PRDM1: variants seen among roughly 807,000 people sequenced by gnomAD.
PRDM1 encodes PR domain zinc finger protein 1.
Under a neutral mutation model 62.8 loss-of-function variants are expected in PRDM1, and 13 were observed. The observed-to-expected ratio is 0.21, with a 90% confidence interval of 0.13 to 0.33. The LOEUF is 0.33. Ranked by LOEUF, PRDM1 falls within the 10% of genes least tolerant of loss-of-function variation. The pLI, the probability that PRDM1 is intolerant of heterozygous loss-of-function variation, is 1.00. For synonymous variants in PRDM1, 396 were observed against 417.6 expected, an observed-to-expected ratio of 0.95 and a Z score of 0.63; for missense variants, 895 against 1,058.8, an observed-to-expected ratio of 0.85 and a Z score of 2.15.
At chr6:106,000,577 T>C (rs1046202561) in intron 1 of PRDM1, among the ~76,000 whole-genome samples, 39 of 152,220 alleles carry the variant, frequency 2.6e-4, no homozygotes, top group African/African-American at 9.4e-4. Flanking sequence ...CATGTATGTT[T>C]TCCATGTATG....
chr6:106,026,308 G>A lies in PRDM1; in HGVS notation c.-67+32669G>A, dbSNP rs773547895. Among the ~76,000 whole-genome samples the A allele has an allele frequency of 2.6e-5, 4 of 151,896 alleles. No homozygotes were observed. In the East Asian group the frequency reaches 5.8e-4, roughly 22 times the overall value. On this transcript the variant is annotated intron_variant, in intron 1 of 6. Transcript: ENST00000652320. The stretch of plus-strand genomic sequence containing the variant: ...AGCCTGATCAACATGGAGAAACCCC[G>A]TCTCTACTAAAAAATACAAAATTAG...
intron 1 of PRDM1, among the ~76,000 whole-genome samples, chr6:106,040,024 A>G (rs1772970977): frequency 6.6e-6 from 1 of 152,112 alleles, no homozygotes; most frequent in African/African-American, 2.4e-5. Context: ...AAACCCTCTT[A>G]CTTTCCCTGA....
chr6:106,098,902 C>A, intron 3 of PRDM1: 2 of 1,509,586 alleles, frequency 1.3e-6, no homozygotes, highest in Admixed American at 2.1e-5. Flanking sequence ...TACCCAGTGA[C>A]TCAAAGCACT....
chr6:106,003,126 G>C (rs1025420896), intron 1 of PRDM1, among the ~76,000 whole-genome samples: 10 of 152,052 alleles, frequency 6.6e-5, no homozygotes, highest in Non-Finnish European at 1.2e-4. Flanking sequence ...TAAGATAATT[G>C]CTCATTGATT....
chr6:106,104,299 C>T (rs1015468293), intron 4 of PRDM1, among the ~76,000 whole-genome samples: 1 of 151,976 alleles, frequency 6.6e-6, no homozygotes, highest in South Asian at 2.1e-4. Context: ...ACAACCTCCA[C>T]CTCCCAGATT....
At chr6:106,051,357 G>A (rs1773171238) in intron 1 of PRDM1, among the ~76,000 whole-genome samples, 1 of 152,224 alleles carries the variant, frequency 6.6e-6, no homozygotes, top group African/African-American at 2.4e-5. Context: ...GACTAAGCTT[G>A]TAGACCAAGG....
chr6:106,057,157 A>G (rs1046813275), intron 1 of PRDM1, among the ~76,000 whole-genome samples: 34 of 152,356 alleles, frequency 2.2e-4, no homozygotes, highest in African/African-American at 7.5e-4. Flanking sequence ...CCCCAAAGAC[A>G]TGCATCTGCT....
intron 1 of PRDM1, among the ~76,000 whole-genome samples, chr6:106,013,464 A>G (rs528748744): frequency 2.0e-5 from 3 of 151,318 alleles, no homozygotes; most frequent in Admixed American, 1.3e-4. Context: ...AGTAGCTCGG[A>G]TTACAGGTGT....
chr6:106,029,633 G>T lies in PRDM1; in HGVS notation c.-67+35994G>T, dbSNP rs9486266. ...TTCTTTTATTTTTTTTTGTGACAGGGCCTCACTCTGTCACCCAGGCTGAGT... is the reference window on the plus strand; with the variant it reads ...TTCTTTTATTTTTTTTTGTGACAGGTCCTCACTCTGTCACCCAGGCTGAGT... On this transcript the variant is annotated intron_variant, in intron 1 of 6. Transcript: ENST00000652320. 7.4e-3 allele frequency among the ~76,000 whole-genome samples: 1,127 copies of T among 151,854 alleles called. 10 individuals are homozygous for T. Among genetic ancestry groups the T allele is most frequent in the African/African-American group, 0.026 (1,071 of 41,422 alleles).
intron 1 of PRDM1, among the ~76,000 whole-genome samples, chr6:106,020,920 C>T: frequency 6.6e-6 from 1 of 152,206 alleles, no homozygotes; most frequent in South Asian, 2.1e-4. Context: ...AGCAGTCAAA[C>T]CTGCACCCGG....
At chr6:106,028,378 GA>G (rs766943280) in intron 1 of PRDM1, among the ~76,000 whole-genome samples, 2 of 152,148 alleles carry the variant, frequency 1.3e-5, no homozygotes, top group Non-Finnish European at 2.9e-5. Flanking sequence ...ATGCAACTAA[GA>G]ATTATACATG....
rs1009408664 is a variant in PRDM1 at position 106,105,645 on chromosome 6, C to T, written c.1485C>T (p.Ala495=). The T allele has an allele frequency of 1.2e-6, 2 of 1,613,260 alleles. No homozygotes were observed. The highest frequency in any genetic ancestry group is 8.5e-7 in the Non-Finnish European group (1 of 1,179,428). The part of the protein sequence containing the change: ...REVLVPAPHS[A]FSFTGAAASM... ...TGCTTGTCCCGGCGCCCCACAGTGC[C>T]TTCTCCTTTACCGGGGCCGCCGCCA... Residue 495 remains alanine (A), a synonymous_variant, in exon 5 of 7, where the codon GCC becomes GCT. Coordinates refer to ENST00000369096, the MANE Select transcript of PRDM1 (RefSeq NM_001198.4).
chr6:106,065,531 TATC>T (rs1171164529), intron 1 of PRDM1, among the ~76,000 whole-genome samples: 48 of 152,314 alleles, frequency 3.2e-4, no homozygotes, highest in African/African-American at 1.1e-3. Flanking sequence ...TGTGTATCAT[TATC>T]ATGTATCAGT....
At chr6:106,032,325 A>ATTT (rs71006666) in intron 1 of PRDM1, among the ~76,000 whole-genome samples, 1 of 144,142 alleles carries the variant, frequency 6.9e-6, no homozygotes, top group Non-Finnish European at 1.5e-5. Flanking sequence ...CACCCAGCTA[A>ATTT]TTTTTTTTTT....
At chr6:106,056,739 A>G (rs1005024824) in intron 1 of PRDM1, among the ~76,000 whole-genome samples, 1 of 152,248 alleles carries the variant, frequency 6.6e-6, no homozygotes, top group Non-Finnish European at 1.5e-5. Flanking sequence ...TCTCTCCTGC[A>G]TTCAACCCCT....
intron 2 of PRDM1, among the ~76,000 whole-genome samples, chr6:106,093,448 G>A (rs944442503): frequency 1.3e-5 from 2 of 152,164 alleles, no homozygotes; most frequent in African/African-American, 2.4e-5. Flanking sequence ...CTGTTGTAAA[G>A]TAGATATGTT....
intron 1 of PRDM1, chr6:106,087,980 CTTTT>C (rs34001545): frequency 0.015 from 2,117 of 139,872 alleles, no homozygotes; most frequent in Middle Eastern, 0.04. Flanking sequence ...TTGCCACATT[CTTTT>C]TTTTTTTTTT....
upstream of PRDM1, chr6:106,086,292 A>G: frequency 2.4e-6 from 1 of 420,776 alleles, no homozygotes; most frequent in Non-Finnish European, 4.2e-6. Context: ...CGCGCAGCCG[A>G]GTGGCTAAGG....
intron 1 of PRDM1, among the ~76,000 whole-genome samples, chr6:106,008,869 C>A (rs1173034752): frequency 2.6e-5 from 4 of 152,216 alleles, no homozygotes; most frequent in Non-Finnish European, 5.9e-5. Flanking sequence ...TCTCCAGTAA[C>A]TCCCACCTGG....
Sources: allele counts gnomAD v4.1 joint callset (sites outside exome capture counted in the v4.1 genomes callset), GRCh38; gene constraint gnomAD v4.1.1; transcripts MANE v1.5; gene names NCBI Gene and HGNC (gene_info 2026-07-23, HGNC 2026-07-21).